DNAI4: variants seen among roughly 807,000 people sequenced by gnomAD.
The protein encoded by DNAI4 is WD repeat domain 78.
A neutral mutation model predicts 105.8 loss-of-function variants in DNAI4; 85 were observed. The ratio of observed to expected loss-of-function variants is 0.80; its 90% CI spans 0.67 to 0.96. The LOEUF (loss-of-function observed/expected upper bound fraction) is 0.96, where lower values mean the gene tolerates loss of function less well. Among genes scored for constraint, DNAI4 ranks in the 40% least tolerant of loss-of-function variants. The pLI is 0.00. For missense variants in DNAI4, 1,014 were observed against 1,005.6 expected (o/e 1.01, Z -0.11); for synonymous variants, 352 against 331.5 (o/e 1.06, Z -0.67).
chr1:66,868,445 G>A (rs986346190), intron 6 of DNAI4, among the ~76,000 whole-genome samples: 2 of 152,166 alleles, frequency 1.3e-5, no homozygotes, highest in Admixed American at 6.5e-5. Flanking sequence ...TGAATTGGTG[G>A]ACTGAGTAAA....
At chr1:66,909,007 T>C (rs1649460172) in intron 1 of DNAI4, among the ~76,000 whole-genome samples, 1 of 152,162 alleles carries the variant, frequency 6.6e-6, no homozygotes, top group South Asian at 2.1e-4. Context: ...TTCTCTATTA[T>C]TGCAGTTCAG....
At chr1:66,914,429 C>T (rs1021885220) in intron 1 of DNAI4, among the ~76,000 whole-genome samples, 2 of 152,094 alleles carry the variant, frequency 1.3e-5, no homozygotes, top group African/African-American at 4.8e-5. Context: ...GTATTTATCT[C>T]GTGGCTAAAA....
chr1:66,918,840 G>T (rs1650260828), intron 1 of DNAI4, among the ~76,000 whole-genome samples: 1 of 152,000 alleles, frequency 6.6e-6, no homozygotes, highest in South Asian at 2.1e-4. Flanking sequence ...AATATTTTGG[G>T]CCCCAAAATT....
At position 66,862,305 on chromosome 1, in the gene DNAI4, A is replaced by G. The variant is rs1470365163; in HGVS notation, c.941-3T>C. 11 of 1,603,488 alleles carry G rather than the reference A, an allele frequency of 6.9e-6. No individual in the cohort carries two copies. The highest frequency in any genetic ancestry group is 8.5e-6 in the Non-Finnish European group (10 of 1,176,904). Reference sequence around the variant, plus strand: ...ATCCCAGGCAGTGGACATTATGCCTAGATAAAGACACAGAAAGGTAAAAAT... The same window carrying G: ...ATCCCAGGCAGTGGACATTATGCCTGGATAAAGACACAGAAAGGTAAAAAT... On this transcript the variant is annotated splice_polypyrimidine_tract_variant and splice_region_variant and intron_variant, in intron 6 of 16. Coordinates refer to ENST00000371026, the MANE Select transcript of DNAI4 (RefSeq NM_024763.5).
chr1:66,880,842 GC>G (rs532899396), intron 4 of DNAI4, among the ~76,000 whole-genome samples: 131 of 152,302 alleles, frequency 8.6e-4, no homozygotes, highest in African/African-American at 2.9e-3. Context: ...CTTCATGGCA[GC>G]CCCTCGCATC....
Position 66,840,628 on chromosome 1 carries a change from T to G in DNAI4, c.1335A>C (p.Lys445Asn). 2 of 1,614,162 alleles carry G rather than the reference T, an allele frequency of 1.2e-6. No individual in the cohort carries two copies. Among genetic ancestry groups the G allele is most frequent in the Non-Finnish European group, 1.7e-6 (2 of 1,180,010 alleles). ...TAGATTCTTCCTCTACCTCTTCATGTTTTGCACTTTCTAAAACATCTTCAG... is the reference window on the plus strand; with the variant it reads ...TAGATTCTTCCTCTACCTCTTCATGGTTTGCACTTTCTAAAACATCTTCAG... ...EEPEDVLESAKHEEVEEESKK... is the reference protein window; with the variant it reads ...EEPEDVLESANHEEVEEESKK... Residue 445 changes from lysine (K) to asparagine (N), a missense_variant, in exon 9 of 17, where the codon AAA becomes AAC. Lys to Asn is a moderately conservative substitution (Grantham distance 94). Transcript: ENST00000371026.
intron 6 of DNAI4, among the ~76,000 whole-genome samples, chr1:66,867,100 T>C (rs977723809): frequency 6.6e-6 from 1 of 152,188 alleles, no homozygotes; most frequent in Non-Finnish European, 1.5e-5. Context: ...TCACAACATG[T>C]AGGAATTATG....
chr1:66,870,724 G>A (rs1475714563), intron 6 of DNAI4: 1 of 142,492 alleles, frequency 7.0e-6, no homozygotes, highest in Non-Finnish European at 1.5e-5. Context: ...ATTCCAGCCT[G>A]GGTGACAAGG....
chr1:66,912,648 C>T (rs1411196051), intron 1 of DNAI4, among the ~76,000 whole-genome samples: 1 of 152,162 alleles, frequency 6.6e-6, no homozygotes, highest in Non-Finnish European at 1.5e-5. Context: ...TGTGCTCCAA[C>T]CATCTTCGGC....
At chr1:66,878,633 G>A (rs577822425) in intron 4 of DNAI4, among the ~76,000 whole-genome samples, 1 of 152,148 alleles carries the variant, frequency 6.6e-6, no homozygotes, top group African/African-American at 2.4e-5. Flanking sequence ...TCTCTATTAA[G>A]CTAAACATGA....
At chr1:66,895,477 T>A (rs1569820616) in intron 2 of DNAI4, among the ~76,000 whole-genome samples, 1 of 152,096 alleles carries the variant, frequency 6.6e-6, no homozygotes, top group African/African-American at 2.4e-5. Flanking sequence ...TCTAAAAAAA[T>A]TTTTTTCAAA....
intron 1 of DNAI4, among the ~76,000 whole-genome samples, chr1:66,912,422 T>G (rs990821492): frequency 1.3e-5 from 2 of 151,490 alleles, no homozygotes; most frequent in African/African-American, 4.9e-5. Flanking sequence ...TGAGCCAAGA[T>G]CACACCATTG....
At chr1:66,863,235 A>T (rs939525231) in intron 6 of DNAI4, among the ~76,000 whole-genome samples, 1 of 152,238 alleles carries the variant, frequency 6.6e-6, no homozygotes, top group Non-Finnish European at 1.5e-5. Context: ...GCGATCATGT[A>T]ACAATATATT....
At chr1:66,915,341 C>A (rs1224097726) in intron 1 of DNAI4, among the ~76,000 whole-genome samples, 1 of 152,096 alleles carries the variant, frequency 6.6e-6, no homozygotes, top group Non-Finnish European at 1.5e-5. Context: ...TTTGCCTGTG[C>A]CCAGGAATGA....
At chr1:66,843,320 A>G (rs1044195256) in intron 8 of DNAI4, among the ~76,000 whole-genome samples, 2 of 151,852 alleles carry the variant, frequency 1.3e-5, no homozygotes, top group African/African-American at 2.4e-5. Context: ...CTACTTTGGC[A>G]TGTGTATATT....
In DNAI4 at chr1:66,890,329, G is replaced by A; in HGVS notation, c.643+825C>T. On this transcript the variant is annotated intron_variant, in intron 4 of 16. Transcript: ENST00000371026. This position sits in a 1 kb window ranked among gnomAD's most constrained non-coding sequence, Gnocchi z 4.1. ...AAGAAAGAAGAGGCCAGGCACAGTGGCTCAGGCCTGTAATCCCAGCACTTT... is the reference window on the plus strand; with the variant it reads ...AAGAAAGAAGAGGCCAGGCACAGTGACTCAGGCCTGTAATCCCAGCACTTT... 1 of 152,998 alleles carries A rather than the reference G, an allele frequency of 6.5e-6. No homozygotes were observed. The highest frequency in any genetic ancestry group is 1.5e-5 in the Non-Finnish European group (1 of 68,706). The allele number at this position is 152,998 out of a possible 1,614,324, so 9.5% of individuals were successfully genotyped here. A position where few individuals can be genotyped will look rare whatever the true frequency, so the allele number is the denominator to read the frequency against.
At chr1:66,885,881 T>C (rs1647188920) in intron 4 of DNAI4, among the ~76,000 whole-genome samples, 2 of 152,220 alleles carry the variant, frequency 1.3e-5, no homozygotes, top group Non-Finnish European at 2.9e-5. Flanking sequence ...GTATTCTTTT[T>C]GTATCTGTTG....
At chr1:66,867,031 A>G (rs1484029083) in intron 6 of DNAI4, among the ~76,000 whole-genome samples, 1 of 152,132 alleles carries the variant, frequency 6.6e-6, no homozygotes, top group Non-Finnish European at 1.5e-5. Flanking sequence ...CTCACTCACT[A>G]TCAAGAATAA....
At chr1:66,869,549 G>T (rs1399972445) in intron 6 of DNAI4, among the ~76,000 whole-genome samples, 2 of 151,986 alleles carry the variant, frequency 1.3e-5, no homozygotes, top group East Asian at 3.9e-4. Context: ...ATATGAATAG[G>T]TTTCTTAATA....
Sources: allele counts gnomAD v4.1 joint callset (sites outside exome capture counted in the v4.1 genomes callset), GRCh38; gene constraint gnomAD v4.1.1; non-coding constraint Gnocchi (gnomAD v3.1); transcripts MANE v1.5; gene names NCBI Gene and HGNC (gene_info 2026-07-23, HGNC 2026-07-21).